Variants in GRM7 observed in about 807,000 individuals in gnomAD.
GRM7 encodes glutamate metabotropic receptor 7.
Under a neutral mutation model 84.5 loss-of-function variants are expected in GRM7, and 35 were observed. The observed-to-expected ratio is 0.41, with a 90% CI of 0.32 to 0.55. The LOEUF is 0.55. Among genes scored for constraint, GRM7 ranks in the 20% least tolerant of loss-of-function variants. GRM7 has a pLI of 0.19. For missense variants in GRM7, 1,003 were observed against 1,194.6 expected, an observed-to-expected ratio of 0.84 and a Z score of 2.36; for synonymous variants, 487 against 455.1, an observed-to-expected ratio of 1.07 and a Z score of -0.89.
At chr3:7,136,999 T>C (rs1476747692) in intron 1 of GRM7, among the ~76,000 whole-genome samples, 1 of 152,136 alleles carries the variant, frequency 6.6e-6, no homozygotes, top group Non-Finnish European at 1.5e-5. Flanking sequence ...GCAAACATTG[T>C]AGAGGTTAGG....
intron 1 of GRM7, among the ~76,000 whole-genome samples, chr3:7,087,214 T>C (rs1698488393): frequency 6.6e-6 from 1 of 152,182 alleles, no homozygotes. Flanking sequence ...GATTGCTAGA[T>C]TAAGGAATGT....
At chr3:6,936,184 G>A (rs2125050895) in intron 1 of GRM7, among the ~76,000 whole-genome samples, 1 of 152,328 alleles carries the variant, frequency 6.6e-6, no homozygotes, top group Admixed American at 6.5e-5. Context: ...CTCCCTCGGT[G>A]TTCTGCTCTT....
chr3:7,264,281 C>G (rs1378855643), intron 2 of GRM7, among the ~76,000 whole-genome samples: 1 of 152,150 alleles, frequency 6.6e-6, no homozygotes, highest in Non-Finnish European at 1.5e-5. Flanking sequence ...GCAAGTGGAG[C>G]CAAGGGGATG....
intron 1 of GRM7, among the ~76,000 whole-genome samples, chr3:7,073,097 T>TTTTTTATGTTTC (rs1697945102): frequency 6.6e-6 from 1 of 152,062 alleles, no homozygotes; most frequent in South Asian, 2.1e-4. Flanking sequence ...AAAATCTTTT[T>TTTTTTATGTTTC]ATTTTTTATG....
chr3:7,516,773 C>T (rs1275709424), intron 7 of GRM7, among the ~76,000 whole-genome samples: 1 of 152,174 alleles, frequency 6.6e-6, no homozygotes. Flanking sequence ...CACCATTTGC[C>T]TCTGCAACCT....
At chr3:7,721,981 T>C (rs1168773804) in intron 9 of GRM7, among the ~76,000 whole-genome samples, 1 of 152,212 alleles carries the variant, frequency 6.6e-6, no homozygotes, top group Non-Finnish European at 1.5e-5. Context: ...GGAAATATGT[T>C]GACAAACATT....
At chr3:7,691,400 A>AG in intron 9 of GRM7, 3 of 429,910 alleles carry the variant, frequency 7.0e-6, no homozygotes, top group Non-Finnish European at 1.1e-5. Flanking sequence ...AAAAAGAAAA[A>AG]CTGGACTGGG....
At chr3:7,062,268 A>G (rs1383583250) in intron 1 of GRM7, among the ~76,000 whole-genome samples, 1 of 151,636 alleles carries the variant, frequency 6.6e-6, no homozygotes, top group Non-Finnish European at 1.5e-5. Context: ...TGGAACGGAT[A>G]AAGCATTACA....
At chr3:6,942,243 T>C (rs763507975) in intron 1 of GRM7, among the ~76,000 whole-genome samples, 2 of 152,100 alleles carry the variant, frequency 1.3e-5, no homozygotes, top group Non-Finnish European at 2.9e-5. Flanking sequence ...CAGTAAATTG[T>C]GAGGATTAAA....
At chr3:7,558,803 T>C (rs910150509) in intron 7 of GRM7, among the ~76,000 whole-genome samples, 1 of 152,152 alleles carries the variant, frequency 6.6e-6, no homozygotes, top group Non-Finnish European at 1.5e-5. Context: ...TAAGGCTAAA[T>C]AATTGTTTGA....
At chr3:6,974,105 A>G (rs1575086182) in intron 1 of GRM7, among the ~76,000 whole-genome samples, 1 of 152,324 alleles carries the variant, frequency 6.6e-6, no homozygotes. Context: ...AACAGTATTT[A>G]CCAAGAGAGA....
At chr3:7,155,542 T>C (rs1002363927) in intron 2 of GRM7, among the ~76,000 whole-genome samples, 2 of 152,116 alleles carry the variant, frequency 1.3e-5, no homozygotes, top group African/African-American at 4.8e-5. Flanking sequence ...CAAGAAACAT[T>C]AAATTAATAA....
At chr3:7,051,430 C>G (rs1405141633) in intron 1 of GRM7, among the ~76,000 whole-genome samples, 2 of 151,742 alleles carry the variant, frequency 1.3e-5, no homozygotes, top group African/African-American at 4.8e-5. Context: ...GAAACTGAAT[C>G]CAAATGGCAG....
At chr3:7,664,160 C>A (rs779020890) in intron 8 of GRM7, among the ~76,000 whole-genome samples, 1 of 152,184 alleles carries the variant, frequency 6.6e-6, no homozygotes, top group Admixed American at 6.5e-5. Context: ...CAATTCTCAA[C>A]CCAAGATGAG....
At chr3:6,886,395 A>C (rs1695696990) in intron 1 of GRM7, among the ~76,000 whole-genome samples, 1 of 152,148 alleles carries the variant, frequency 6.6e-6, no homozygotes, top group South Asian at 2.1e-4. Context: ...ACCTAATGTA[A>C]ATGATGAGTT....
At chr3:7,167,161 T>C (rs1031812201) in intron 2 of GRM7, among the ~76,000 whole-genome samples, 1 of 152,228 alleles carries the variant, frequency 6.6e-6, no homozygotes, top group Non-Finnish European at 1.5e-5. Context: ...ATCAGCACTC[T>C]AAGCAAAAAT....
At chr3:7,466,267 G>C (rs1698456120) in intron 7 of GRM7, among the ~76,000 whole-genome samples, 1 of 152,080 alleles carries the variant, frequency 6.6e-6, no homozygotes, top group African/African-American at 2.4e-5. Context: ...TAGGGTAAGG[G>C]CTCTGTAGTA....
At chr3:7,220,450 C>A (rs1696762890) in intron 2 of GRM7, among the ~76,000 whole-genome samples, 1 of 152,066 alleles carries the variant, frequency 6.6e-6, no homozygotes, top group Admixed American at 6.5e-5. Flanking sequence ...GGGACGTTCT[C>A]CAAAATACCT....
chr3:7,726,284 C>A (rs1187484988), intron 9 of GRM7, among the ~76,000 whole-genome samples: 1 of 151,748 alleles, frequency 6.6e-6, no homozygotes, highest in African/African-American at 2.4e-5. Context: ...CTAAAGAGAC[C>A]CTTGAAAAAG....
Sources: allele counts gnomAD v4.1 joint callset (sites outside exome capture counted in the v4.1 genomes callset), GRCh38; gene constraint gnomAD v4.1.1; transcripts MANE v1.5; gene names NCBI Gene and HGNC (gene_info 2026-07-23, HGNC 2026-07-21).